OR5AN1: variants seen among roughly 807,000 people sequenced by gnomAD.
OR5AN1 encodes olfactory receptor 5AN1.
For missense variants in OR5AN1, 476 were observed against 368.9 expected, an observed-to-expected ratio of 1.29 and a Z score of -2.38; for synonymous variants, 167 against 131.8, an observed-to-expected ratio of 1.27 and a Z score of -1.83.
At chr11:59,359,383 T>C (rs1398450259) in intron 1 of OR5AN1, 111 bp downstream of exon 1, 1 of 152,160 alleles carries the variant, frequency 6.6e-6, no homozygotes. Context: ...TAAACTACAG[T>C]CAAATATATG....
chr11:59,361,982 G>GTT (rs1159962515), intron 1 of OR5AN1, among the ~76,000 whole-genome samples: 21 of 146,074 alleles, frequency 1.4e-4, no homozygotes, highest in African/African-American at 5.3e-4. Flanking sequence ...GTGTGTGTGT[G>GTT]TTTGTGTGTG....
rs752488686 is a variant in OR5AN1, at chr11:59,364,701, G to C, written c.243G>C (p.Lys81Asn). The change falls in exon 2 of 2, where the codon AAG (lysine) becomes AAC (asparagine). Residue 81 changes from lysine to asparagine, a missense_variant. Transcript: ENST00000641998. ...DVCYISSTVP[K>N]MLSNLLQEQQ... Reference sequence around the variant, plus strand: ...GCTATATCAGCTCCACAGTCCCCAAGATGCTCTCCAACCTCTTACAGGAAC... The same window carrying C: ...GCTATATCAGCTCCACAGTCCCCAACATGCTCTCCAACCTCTTACAGGAAC... The C allele has an allele frequency of 6.2e-7, 1 of 1,613,718 alleles. No individual in the cohort carries two copies.
intron 1 of OR5AN1, among the ~76,000 whole-genome samples, chr11:59,363,037 G>T (rs890847786): frequency 6.6e-6 from 1 of 152,128 alleles, no homozygotes; most frequent in Non-Finnish European, 1.5e-5. Context: ...GAGGCAATGA[G>T]GCCTGGCTGT....
Position 59,370,292 on chromosome 11 carries a change from C to T in OR5AN1, c.*4898C>T, listed in dbSNP as rs557916025. 2.0e-5 allele frequency: 3 copies of T among 152,218 alleles called. No individual in the cohort carries two copies. Among genetic ancestry groups the T allele is most frequent in the Non-Finnish European group, 4.4e-5 (3 of 68,010 alleles). 9.4% of individuals were successfully genotyped at this position (152,218 alleles called of 1,614,324 possible). ...ACCTTGAATGTAAATGGGCTAAATG[C>T]CCCACTAAAAAGGCACAGAGTGGCA... On this transcript the variant is annotated 3_prime_UTR_variant, in exon 2 of 2. Transcript: ENST00000641998.
At chr11:59,360,021 A>G (rs1050075824) in intron 1 of OR5AN1, 1 of 152,212 alleles carries the variant, frequency 6.6e-6, no homozygotes, top group Non-Finnish European at 1.5e-5. Context: ...AACATATGCA[A>G]GGAATTAATC....
rs1240216249 is a variant in OR5AN1 at position 59,371,575 on chromosome 11, C to A, written c.*6181C>A. On this transcript the variant is annotated 3_prime_UTR_variant, in exon 2 of 2. Transcript: ENST00000641998. ...ATAACAGAGAAAACAACAACAACAA[C>A]AACTTACAAATAAAGGATGTAAAAT... 6.6e-6 allele frequency: 1 copy of A among 152,172 alleles called. No individual in the cohort carries two copies. The highest frequency in any genetic ancestry group is 1.5e-5 in the Non-Finnish European group (1 of 68,066). 9.4% of individuals were successfully genotyped at this position (152,172 alleles called of 1,614,324 possible). A position where few individuals can be genotyped will look rare whatever the true frequency, so the allele number is the denominator to read the frequency against.
intron 1 of OR5AN1, among the ~76,000 whole-genome samples, chr11:59,361,031 T>C (rs1320407456): frequency 2.0e-5 from 3 of 152,188 alleles, no homozygotes; most frequent in Non-Finnish European, 4.4e-5. Context: ...TTTCTCAGCT[T>C]GAGGGTACTT....
intron 1 of OR5AN1, among the ~76,000 whole-genome samples, chr11:59,361,772 CCT>C (rs1209145215): frequency 6.6e-6 from 1 of 152,142 alleles, no homozygotes; most frequent in African/African-American, 2.4e-5. Context: ...TCTTTCTCCC[CCT>C]TTTTCTCTGT....
intron 1 of OR5AN1, among the ~76,000 whole-genome samples, chr11:59,363,960 G>T (rs981716118): frequency 3.9e-5 from 6 of 151,926 alleles, no homozygotes; most frequent in Non-Finnish European, 8.8e-5. Context: ...ATGGGGTTTT[G>T]CCATTTTGGC....
chr11:59,361,950 C>T (rs958562652), intron 1 of OR5AN1, among the ~76,000 whole-genome samples: 1 of 151,572 alleles, frequency 6.6e-6, no homozygotes, highest in Non-Finnish European at 1.5e-5. Flanking sequence ...TAATGTTTGA[C>T]ATTATAAATG....
intron 1 of OR5AN1, among the ~76,000 whole-genome samples, chr11:59,363,663 G>A (rs1187379891): frequency 2.6e-5 from 4 of 152,018 alleles, no homozygotes; most frequent in African/African-American, 7.2e-5. Context: ...TTTTCTAAAG[G>A]GTAAAATAAA....
Position 59,364,647 on chromosome 11 carries a change from C to T in OR5AN1, c.189C>T (p.Phe63=). The change falls in exon 2 of 2, where the codon TTC becomes TTT. Residue 63 remains phenylalanine, a synonymous_variant. Coordinates refer to ENST00000641998, the MANE Select transcript of OR5AN1 (RefSeq NM_001004729.2). ...DSHLHTPMYF[F]LSNLSFIDVC... is the part of the protein sequence containing the mutation. Reference sequence around the variant, plus strand: ...ACCTCCATACACCCATGTATTTCTTCCTCAGTAACCTGTCCTTCATAGATG... The same window carrying T: ...ACCTCCATACACCCATGTATTTCTTTCTCAGTAACCTGTCCTTCATAGATG... 1 of 1,614,020 alleles carries T rather than the reference C, an allele frequency of 6.2e-7. No homozygotes were observed. The highest frequency in any genetic ancestry group is 8.5e-7 in the Non-Finnish European group (1 of 1,179,946).
Position 59,367,960 on chromosome 11 carries a change from G to A in OR5AN1, c.*2566G>A, listed in dbSNP as rs1329199037. The A allele has an allele frequency of 1.3e-5, 2 of 152,298 alleles. No homozygotes were observed. The highest frequency in any genetic ancestry group is 2.9e-5 in the Non-Finnish European group (2 of 68,106). The allele number at this position is 152,298 out of a possible 1,614,324, so 9.4% of individuals were successfully genotyped here. Reference sequence around the variant, plus strand: ...CTTTGAAGTATCTGAGACGACTGAGGACTGAAGTAGACCCCCAACACAGCA... The same window carrying A: ...CTTTGAAGTATCTGAGACGACTGAGAACTGAAGTAGACCCCCAACACAGCA... On this transcript the variant is annotated 3_prime_UTR_variant, in exon 2 of 2. Transcript: ENST00000641998.
In OR5AN1 at chr11:59,365,447, C is replaced by T; in HGVS notation, c.*53C>T. The T allele has an allele frequency of 9.2e-7, 1 of 1,081,492 alleles. No homozygotes were observed. Among genetic ancestry groups the T allele is most frequent in the Non-Finnish European group, 1.3e-6 (1 of 749,594 alleles). The allele number at this position is 1,081,492 out of a possible 1,614,324, so 67.0% of individuals were successfully genotyped here. ...ATATGGCCCATCAGAATCTCCCTAA[C>T]CCACAAAATATGATAATGAATGGAC... is the stretch of plus-strand genomic sequence containing the variant. On this transcript the variant is annotated 3_prime_UTR_variant, in exon 2 of 2. Coordinates refer to ENST00000641998, the MANE Select transcript of OR5AN1 (RefSeq NM_001004729.2).
chr11:59,364,658 TG>T lies in OR5AN1; in HGVS notation c.201del (p.Ser68ProfsTer3), dbSNP rs139655339. The T allele has an allele frequency of 6.2e-7, 1 of 1,614,046 alleles. No homozygotes were observed. The highest frequency in any genetic ancestry group is 1.3e-5 in the African/African-American group (1 of 75,054). The part of the protein sequence containing the change: ...HTPMYFFLSN[L>X]SFIDVCYISS... ...CCCATGTATTTCTTCCTCAGTAACCTGTCCTTCATAGATGTCTGCTATATCA... is the reference window on the plus strand; with the variant it reads ...CCCATGTATTTCTTCCTCAGTAACCTTCCTTCATAGATGTCTGCTATATCA... On this transcript the variant is annotated frameshift_variant, in exon 2 of 2. Transcript: ENST00000641998. LOFTEE classifies it low-confidence loss of function (END_TRUNC).
At chr11:59,362,626 C>G (rs558559336) in intron 1 of OR5AN1, among the ~76,000 whole-genome samples, 45 of 152,226 alleles carry the variant, frequency 3.0e-4, no homozygotes, top group African/African-American at 1.1e-3. Flanking sequence ...AATTATTCAT[C>G]TTTTTCAAAA....
At position 59,365,144 on chromosome 11, in the gene OR5AN1, T is replaced by G. The variant is rs777581035; in HGVS notation, c.686T>G (p.Ile229Ser). The G allele has an allele frequency of 6.2e-7, 1 of 1,614,096 alleles. No homozygotes were observed. Among genetic ancestry groups the G allele is most frequent in the Non-Finnish European group, 8.5e-7 (1 of 1,179,980 alleles). ...YGYIGISIMKITSAKGRSKAF... is the reference protein window; with the variant it reads ...YGYIGISIMKSTSAKGRSKAF... ...TATATTGGCATCTCCATCATGAAGATCACTTCAGCTAAAGGCAGGTCCAAG... is the reference window on the plus strand; with the variant it reads ...TATATTGGCATCTCCATCATGAAGAGCACTTCAGCTAAAGGCAGGTCCAAG... Residue 229 changes from isoleucine to serine, a missense_variant, in exon 2 of 2, where the codon ATC (isoleucine) becomes AGC (serine). Transcript: ENST00000641998.
rs1239788132 is a variant in OR5AN1, at chr11:59,368,747, G to C, written c.*3353G>C. ...CATTACGAAGATCTCTTCCACTGCT[G>C]TCTCTAAGCTGGGGAAGGAACGTAA... On this transcript the variant is annotated 3_prime_UTR_variant, in exon 2 of 2. Transcript: ENST00000641998. 6.6e-6 allele frequency: 1 copy of C among 152,242 alleles called. No homozygotes were observed. Among genetic ancestry groups the C allele is most frequent in the African/African-American group, 2.4e-5 (1 of 41,432 alleles). 9.4% of individuals were successfully genotyped at this position (152,242 alleles called of 1,614,324 possible). A position where few individuals can be genotyped will look rare whatever the true frequency, so the allele number is the denominator to read the frequency against.
Position 59,364,943 on chromosome 11 carries a change from G to C in OR5AN1, c.485G>C (p.Gly162Ala), listed in dbSNP as rs75457182. Residue 162 changes from glycine (G) to alanine (A), a missense_variant, in exon 2 of 2, where the codon GGT becomes GCT. By Grantham distance (60) the Gly-to-Ala change is moderately conservative. Coordinates refer to ENST00000641998, the MANE Select transcript of OR5AN1 (RefSeq NM_001004729.2). ...TGLTASLFQI[G>A]ALLQLHFCGS... ...CTCACTGCTTCTTTATTCCAAATTG[G>C]TGCTTTGCTTCAACTCCACTTCTGT... The C allele has an allele frequency of 3.9e-4, 635 of 1,614,004 alleles. 6 individuals carry two copies. In the African/African-American group the frequency reaches 7.2e-3, roughly 18 times the overall value.
Sources: allele counts gnomAD v4.1 joint callset (sites outside exome capture counted in the v4.1 genomes callset), GRCh38; gene constraint gnomAD v4.1.1; transcripts MANE v1.5; gene names NCBI Gene and HGNC (gene_info 2026-07-23, HGNC 2026-07-21).